Variants in GIT2 observed in about 807,000 individuals in gnomAD.
GIT2 encodes GIT ArfGAP 2.
A neutral mutation model predicts 100.3 loss-of-function variants in GIT2; 32 were observed. The observed-to-expected ratio is 0.32, with a 90% CI of 0.24 to 0.43. The LOEUF (loss-of-function observed/expected upper bound fraction) is 0.43, where lower values mean the gene tolerates loss of function less well. GIT2 is among the 20% of genes least tolerant of loss of function. The pLI is 1.00. For missense variants in GIT2, 737 were observed against 975.1 expected, an observed-to-expected ratio of 0.76 and a Z score of 3.25; for synonymous variants, 353 against 364.1, an observed-to-expected ratio of 0.97 and a Z score of 0.35.
intron 11 of GIT2, 37 bp from the exon 12 acceptor site, chr12:109,959,995 G>A (rs900619982): frequency 2.2e-6 from 3 of 1,358,546 alleles, no homozygotes; most frequent in South Asian, 1.2e-5. Flanking sequence ...ATTTCCCAGT[G>A]TAAAAATATA....
intron 7 of GIT2, among the ~76,000 whole-genome samples, chr12:109,970,154 G>T (rs1226343196): frequency 1.3e-5 from 2 of 152,100 alleles, no homozygotes; most frequent in African/African-American, 4.8e-5. Context: ...TTAGGTTGAA[G>T]TTCACTTTCC....
intron 1 of GIT2, among the ~76,000 whole-genome samples, chr12:109,994,121 G>A (rs1888915909): frequency 6.6e-6 from 1 of 150,780 alleles, no homozygotes; most frequent in African/African-American, 2.4e-5. Flanking sequence ...CATAGCTTTG[G>A]TTTTCACTTA....
intron 9 of GIT2, among the ~76,000 whole-genome samples, chr12:109,964,620 G>GACAC (rs58007337): frequency 0.085 from 10,097 of 118,846 alleles, 729 homozygotes; most frequent in Non-Finnish European, 0.098. Context: ...TTAATCTAAA[G>GACAC]ACACACACAC....
upstream of GIT2, among the ~76,000 whole-genome samples, chr12:109,996,759 G>C (rs1255703352): frequency 6.6e-6 from 1 of 152,146 alleles, no homozygotes; most frequent in Non-Finnish European, 1.5e-5. Context: ...GCATTTTACT[G>C]GGGTAAAGTA....
chr12:109,987,764 G>A (rs544074437), intron 4 of GIT2, among the ~76,000 whole-genome samples: 2 of 152,032 alleles, frequency 1.3e-5, no homozygotes, highest in African/African-American at 2.4e-5. Flanking sequence ...CATCGCACCC[G>A]GCCAAAAAGT....
intron 7 of GIT2, among the ~76,000 whole-genome samples, chr12:109,973,449 A>AT (rs1031759161): frequency 3.3e-5 from 5 of 150,690 alleles, no homozygotes; most frequent in East Asian, 2.0e-4. Context: ...TCTGCTTTGT[A>AT]TTTTTTTTTA....
At chr12:109,976,485 C>T (rs573555785) in intron 7 of GIT2, among the ~76,000 whole-genome samples, 6 of 151,704 alleles carry the variant, frequency 4.0e-5, no homozygotes, top group Non-Finnish European at 8.8e-5. Flanking sequence ...GGGGTTTCAT[C>T]GTGTTAGCCA....
chr12:109,999,745 A>G, upstream of GIT2: 1 of 1,535,222 alleles, frequency 6.5e-7, no homozygotes, highest in Non-Finnish European at 8.8e-7. This position sits in a 1 kb window ranked among gnomAD's most constrained non-coding sequence, Gnocchi z 4.3. Context: ...TAGTCTGGAA[A>G]AACGACTACC....
rs773158378 is a variant in GIT2 at position 109,983,470 on chromosome 12, T to C, written c.526A>G (p.Lys176Glu). ...TCAGCCTGTAAAATCTGCCCTGCTT[T>C]GGAGGCAACATGGAGTGGGGTGTTT... ...KGNTPLHVAS[K>E]AGQILQAELL... The change falls in exon 6 of 20, where the codon AAA (lysine) becomes GAA (glutamate). Residue 176 changes from lysine (K) to glutamate (E), a missense_variant. Around this residue, in one of 3 missense-constraint regions of GIT2, gnomAD observed 266 missense variants for 376.2 expected, o/e 0.71. Coordinates refer to ENST00000355312, the MANE Select transcript of GIT2 (RefSeq NM_057169.5). The C allele has an allele frequency of 1.2e-6, 2 of 1,613,720 alleles. No homozygotes were observed. Among genetic ancestry groups the C allele is most frequent in the Non-Finnish European group, 8.5e-7 (1 of 1,179,710 alleles).
intron 9 of GIT2, among the ~76,000 whole-genome samples, chr12:109,964,951 G>A (rs1231415388): frequency 1.3e-5 from 2 of 152,114 alleles, no homozygotes; most frequent in Non-Finnish European, 2.9e-5. Context: ...TGGGCAGTCT[G>A]GAAGAAAGAC....
At chr12:109,939,502 C>A in intron 16 of GIT2, 1 of 306,152 alleles carries the variant, frequency 3.3e-6, no homozygotes, top group South Asian at 3.3e-5. Flanking sequence ...AACTAACAGA[C>A]ATGCAAGGCA....
rs1871486983 is a variant in GIT2, at chr12:109,930,634, AGCACTCTT to A, written c.*2336_*2343del. The A allele has an allele frequency of 6.6e-6, 1 of 152,162 alleles. No individual in the cohort carries two copies. The highest frequency in any genetic ancestry group is 1.5e-5 in the Non-Finnish European group (1 of 68,050). The allele number at this position is 152,162 out of a possible 1,614,324, so 9.4% of individuals were successfully genotyped here. On this transcript the variant is annotated 3_prime_UTR_variant, in exon 20 of 20. Transcript: ENST00000355312. Reference sequence around the variant, plus strand: ...GAGTTTTGGCACCGTGGGCTAACCGAGCACTCTTCTGACATATTCTTACAACTGGAAAT... The same window carrying A: ...GAGTTTTGGCACCGTGGGCTAACCGACTGACATATTCTTACAACTGGAAAT...
chr12:109,958,811 C>T (rs1880277905), intron 12 of GIT2, among the ~76,000 whole-genome samples: 1 of 152,050 alleles, frequency 6.6e-6, no homozygotes, highest in Admixed American at 6.6e-5. Context: ...TTAGAAAAAA[C>T]CAATATGGAT....
At chr12:109,936,071 T>A (rs186938447) in intron 18 of GIT2, among the ~76,000 whole-genome samples, 194 of 152,178 alleles carry the variant, frequency 1.3e-3, no homozygotes, top group African/African-American at 4.4e-3. Flanking sequence ...CTTACATGGA[T>A]CAAGAGGAGA....
intron 18 of GIT2, among the ~76,000 whole-genome samples, chr12:109,937,083 TAA>T (rs1454288135): frequency 6.6e-6 from 1 of 152,158 alleles, no homozygotes; most frequent in Non-Finnish European, 1.5e-5. Flanking sequence ...GAAGGAGGCT[TAA>T]AAGTTATGCA....
intron 16 of GIT2, 162 bp from the exon 17 acceptor site, chr12:109,939,409 T>G: frequency 1.8e-6 from 1 of 541,476 alleles, no homozygotes; most frequent in Non-Finnish European, 3.4e-6. Context: ...AGATGAATAT[T>G]GGATCCAGAA....
At chr12:109,994,806 G>C (rs955852403) in intron 1 of GIT2, among the ~76,000 whole-genome samples, 1 of 152,158 alleles carries the variant, frequency 6.6e-6, no homozygotes, top group Non-Finnish European at 1.5e-5. Context: ...CTGAAAATAG[G>C]CAAGAAAATA....
chr12:109,977,203 C>T (rs1174878434), intron 7 of GIT2, among the ~76,000 whole-genome samples: 1 of 152,020 alleles, frequency 6.6e-6, no homozygotes, highest in Non-Finnish European at 1.5e-5. Context: ...ATTGTTTCTA[C>T]CATCACAAAG....
Position 109,945,263 on chromosome 12 carries a change from T to C in GIT2, c.1728A>G (p.Arg576=), listed in dbSNP as rs1426635055. ...TLSWSRDESA[R]RASRLEKQNS... is the part of the protein sequence containing the mutation. ...GACCATTCAGAATGTACTTAACCCT[T>C]CGGGCGCTTTCGTCCCTCGACCAGG... Residue 576 remains arginine (R), a synonymous_variant, in exon 16 of 20, where the codon CGA becomes CGG. Coordinates refer to ENST00000355312, the MANE Select transcript of GIT2 (RefSeq NM_057169.5). 6.7e-7 allele frequency: 1 copy of C among 1,496,210 alleles called. No individual in the cohort carries two copies. The highest frequency in any genetic ancestry group is 1.1e-5 in the South Asian group (1 of 88,204). 92.7% of individuals were successfully genotyped at this position (1,496,210 alleles called of 1,614,324 possible). A position where few individuals can be genotyped will look rare whatever the true frequency, so the allele number is the denominator to read the frequency against.
Sources: allele counts gnomAD v4.1 joint callset (sites outside exome capture counted in the v4.1 genomes callset), GRCh38; gene constraint gnomAD v4.1.1; regional missense constraint gnomAD v4.1.1; non-coding constraint Gnocchi (gnomAD v3.1); transcripts MANE v1.5; gene names NCBI Gene and HGNC (gene_info 2026-07-23, HGNC 2026-07-21).